The following PCNX1 variants were observed in gnomAD, a reference collection of about 807,000 sequenced individuals.
PCNX1 encodes pecanex-like protein 1.
A neutral mutation model predicts 242.2 loss-of-function variants in PCNX1; 78 were observed. The ratio of observed to expected loss-of-function variants is 0.32; its 90% CI spans 0.27 to 0.39. The LOEUF (loss-of-function observed/expected upper bound fraction) is 0.39. PCNX1 is among the 10% of genes least tolerant of loss of function. The pLI, the probability that PCNX1 is intolerant of heterozygous loss-of-function variation, is 1.00. For synonymous variants in PCNX1, 1,024 were observed against 1,032.9 expected, an observed-to-expected ratio of 0.99 and a Z score of 0.17; for missense variants, 2,581 against 2,856.5, an observed-to-expected ratio of 0.90 and a Z score of 2.20.
At chr14:70,965,476 G>GTA in intron 3 of PCNX1, 1 of 152,152 alleles carries the variant, frequency 6.6e-6, no homozygotes, top group East Asian at 1.9e-4. Context: ...AGCCTGGCTA[G>GTA]TATGGTGAAA....
At chr14:70,932,494 T>C (rs2056840560) in intron 1 of PCNX1, among the ~76,000 whole-genome samples, 1 of 152,124 alleles carries the variant, frequency 6.6e-6, no homozygotes, top group Non-Finnish European at 1.5e-5. Flanking sequence ...TTTAAATTTT[T>C]CCTTTATTGT....
At chr14:71,016,081 C>A (rs1202972497) in intron 11 of PCNX1, among the ~76,000 whole-genome samples, 1 of 152,136 alleles carries the variant, frequency 6.6e-6, no homozygotes, top group Non-Finnish European at 1.5e-5. Flanking sequence ...ACCATGCTAA[C>A]ATTAACAAAA....
chr14:71,108,064 C>G (rs2062672597), intron 33 of PCNX1, among the ~76,000 whole-genome samples: 1 of 152,154 alleles, frequency 6.6e-6, no homozygotes, highest in African/African-American at 2.4e-5. Context: ...TTCCTCTTGA[C>G]TCAGTGGAAC....
chr14:71,058,125 C>A (rs191605274), intron 26 of PCNX1, among the ~76,000 whole-genome samples: 1 of 152,216 alleles, frequency 6.6e-6, no homozygotes, highest in African/African-American at 2.4e-5. Flanking sequence ...AAACACCATG[C>A]CTTTGTCTTC....
At position 71,073,692 on chromosome 14, in the gene PCNX1, T is replaced by G. The variant is rs1323381906; in HGVS notation, c.5000T>G (p.Ile1667Arg). 6.2e-7 allele frequency: 1 copy of G among 1,613,980 alleles called. No individual in the cohort carries two copies. The highest frequency in any genetic ancestry group is 8.5e-7 in the Non-Finnish European group (1 of 1,179,986). ...FSQRWLAWEV[I>R]VTKYILEGYS... is the part of the protein sequence containing the mutation. ...CAGCGATGGCTAGCTTGGGAAGTGATAGTCACAAAGTACATTCTGGAGGGT... is the reference window on the plus strand; with the variant it reads ...CAGCGATGGCTAGCTTGGGAAGTGAGAGTCACAAAGTACATTCTGGAGGGT... Residue 1667 changes from isoleucine to arginine, a missense_variant, in exon 27 of 36, where the codon ATA becomes AGA. Ile to Arg is a moderately conservative substitution (Grantham distance 97). This residue lies in a region of PCNX1 where 298 missense variants were observed against 480.1 expected (regional missense o/e 0.62). Transcript: ENST00000304743.
At chr14:70,969,284 A>G in intron 5 of PCNX1, 174 bp downstream of exon 5, 1 of 537,048 alleles carries the variant, frequency 1.9e-6, no homozygotes. Flanking sequence ...ACATGCTTTT[A>G]GCTTACTTGA....
In PCNX1 at chr14:71,115,056, A is replaced by T. The variant is rs1384522494; in HGVS notation, c.*5121A>T. On this transcript the variant is annotated 3_prime_UTR_variant, in exon 36 of 36. Transcript: ENST00000304743. ...ATACAAGTCTGGCAATGAGCTCTGC[A>T]TGAGGAAATGGAAGGAGGAATATTG... The T allele has an allele frequency of 6.6e-6, 1 of 152,246 alleles. No individual in the cohort carries two copies. Among genetic ancestry groups the T allele is most frequent in the Non-Finnish European group, 1.5e-5 (1 of 68,000 alleles). The allele number at this position is 152,246 out of a possible 1,614,324, so 9.4% of individuals were successfully genotyped here.
chr14:70,964,729 G>A (rs954539023), intron 3 of PCNX1, among the ~76,000 whole-genome samples: 14 of 152,186 alleles, frequency 9.2e-5, no homozygotes, highest in African/African-American at 2.4e-4. Flanking sequence ...TTGTTTTAGG[G>A]AGGGAGTCCC....
In PCNX1 at chr14:71,111,801, A is replaced by C. The variant is rs996758718; in HGVS notation, c.*1866A>C. On this transcript the variant is annotated 3_prime_UTR_variant, in exon 36 of 36. Coordinates refer to ENST00000304743, the MANE Select transcript of PCNX1 (RefSeq NM_014982.3). The stretch of plus-strand genomic sequence containing the variant: ...TTTCCATAGACTTCACACTTTACAA[A>C]ATTTACTGTTTAAAAATACTTGTCA... 3 of 152,158 alleles carry C rather than the reference A, an allele frequency of 2.0e-5. No homozygotes were observed. The highest frequency in any genetic ancestry group is 4.4e-5 in the Non-Finnish European group (3 of 67,954). The allele number at this position is 152,158 out of a possible 1,614,324, so 9.4% of individuals were successfully genotyped here. A position where few individuals can be genotyped will look rare whatever the true frequency, so the allele number is the denominator to read the frequency against.
At chr14:71,034,253 C>T (rs1359672761) in intron 18 of PCNX1, among the ~76,000 whole-genome samples, 1 of 152,034 alleles carries the variant, frequency 6.6e-6, no homozygotes, top group Non-Finnish European at 1.5e-5. Context: ...GAACAGAATA[C>T]TAAACATTTA....
Position 70,907,872 on chromosome 14 carries a change from A to T in PCNX1, c.22A>T (p.Ile8Phe). Residue 8 changes from isoleucine to phenylalanine, a missense_variant, in exon 1 of 36, where the codon ATC (isoleucine) becomes TTC (phenylalanine). Physicochemically the swap from Ile to Phe is conservative, Grantham distance 21. This residue lies in a region of PCNX1 where 1,204 missense variants were observed against 1,216.7 expected (regional missense o/e 0.99). Transcript: ENST00000304743. The stretch of plus-strand genomic sequence containing the variant: ...GGGGATGGGGTCGCAGACGCTGCAG[A>T]TCCTCCGACAGGGGGTGTGGGCCGC... MGSQTLQILRQGVWAALS... is the reference protein window; with the variant it reads MGSQTLQFLRQGVWAALS... The T allele has an allele frequency of 6.6e-7, 1 of 1,519,780 alleles. No individual in the cohort carries two copies. Among genetic ancestry groups the T allele is most frequent in the South Asian group, 1.2e-5 (1 of 80,396 alleles). The allele number at this position is 1,519,780 out of a possible 1,614,324, so 94.1% of individuals were successfully genotyped here.
rs767172528 is a variant in PCNX1 at position 70,962,359 on chromosome 14, C to T, written c.468+28C>T. On this transcript the variant is annotated intron_variant, in intron 3 of 35. Transcript: ENST00000304743. ...AGGAACCTGCGCTGTTTTATTTTGC[C>T]TTTTTCCCTCCTCCTGATGGTGGTC... is the stretch of plus-strand genomic sequence containing the variant. 120 of 1,250,184 alleles carry T rather than the reference C, an allele frequency of 9.6e-5. 1 individual carries two copies. The highest frequency in any genetic ancestry group is 1.3e-4 in the Non-Finnish European group (110 of 848,322). The allele number at this position is 1,250,184 out of a possible 1,614,324, so 77.4% of individuals were successfully genotyped here. A position where few individuals can be genotyped will look rare whatever the true frequency, so the allele number is the denominator to read the frequency against.
chr14:70,938,364 G>A (rs1195426971), intron 1 of PCNX1, among the ~76,000 whole-genome samples: 2 of 152,156 alleles, frequency 1.3e-5, no homozygotes, highest in East Asian at 1.9e-4. Flanking sequence ...TTTGTCAAAG[G>A]CCTTTTCTGC....
intron 28 of PCNX1, 25 bp downstream of exon 28, chr14:71,076,444 CTT>C (rs2061720887): frequency 6.8e-7 from 1 of 1,465,634 alleles, no homozygotes; most frequent in Admixed American, 1.7e-5. Context: ...ATTTATAACT[CTT>C]TGAATCCAGG....
chr14:71,088,301 G>T (rs774273704), intron 28 of PCNX1, 29 bp from the exon 29 acceptor site: 3 of 1,305,504 alleles, frequency 2.3e-6, no homozygotes, highest in Middle Eastern at 1.9e-4. Context: ...ATACCTTTCT[G>T]ATAACTAATG....
In PCNX1 at chr14:70,978,169, C is replaced by T; in HGVS notation, c.1832C>T (p.Ala611Val). Residue 611 changes from alanine (A) to valine (V), a missense_variant, in exon 6 of 36, where the codon GCA becomes GTA. Around this residue, in one of 9 missense-constraint regions of PCNX1, gnomAD observed 1,204 missense variants for 1,216.7 expected, o/e 0.99. Transcript: ENST00000304743. ...DSSDQSDLSR[A>V]SSVQSAHQFS... ...AGTGATCAGAGTGACTTGAGTAGAG[C>T]ATCAAGTGTTCAGTCTGCTCACCAG... The T allele has an allele frequency of 6.2e-7, 1 of 1,614,030 alleles. No individual in the cohort carries two copies. Among genetic ancestry groups the T allele is most frequent in the Non-Finnish European group, 8.5e-7 (1 of 1,179,928 alleles).
intron 28 of PCNX1, among the ~76,000 whole-genome samples, chr14:71,077,602 T>G (rs1281782179): frequency 6.6e-6 from 1 of 151,930 alleles, no homozygotes; most frequent in Non-Finnish European, 1.5e-5. Flanking sequence ...ATACTAGATG[T>G]GCAGTATATA....
chr14:70,945,907 GGA>G (rs1339000907), intron 1 of PCNX1, among the ~76,000 whole-genome samples: 3 of 152,174 alleles, frequency 2.0e-5, no homozygotes, highest in Non-Finnish European at 2.9e-5. Flanking sequence ...AAAACATGTG[GGA>G]TCTAGAGCTA....
chr14:71,092,827 G>C (rs1407224577), intron 30 of PCNX1: 1 of 152,180 alleles, frequency 6.6e-6, no homozygotes, highest in Non-Finnish European at 1.5e-5. Context: ...CTGCTATTTT[G>C]ATTGTACAAC....
Sources: allele counts gnomAD v4.1 joint callset (sites outside exome capture counted in the v4.1 genomes callset), GRCh38; gene constraint gnomAD v4.1.1; regional missense constraint gnomAD v4.1.1; transcripts MANE v1.5; gene names NCBI Gene and HGNC (gene_info 2026-07-23, HGNC 2026-07-21).